ZBED4: variants seen among roughly 807,000 people sequenced by gnomAD.
ZBED4 encodes the protein zinc finger BED-type containing 4.
Under a neutral mutation model 15.5 loss-of-function variants are expected in ZBED4, and 4 were observed. The observed-to-expected ratio is 0.26, with a 90% CI of 0.13 to 0.59. The LOEUF is 0.59. Ranked by LOEUF, ZBED4 falls within the 20% of genes least tolerant of loss-of-function variation. The pLI is 0.90. For missense variants in ZBED4, 1,323 were observed against 1,461.8 expected, an observed-to-expected ratio of 0.91 and a Z score of 1.55; for synonymous variants, 692 against 608.5, an observed-to-expected ratio of 1.14 and a Z score of -2.02.
chr22:49,863,476 A>T (rs1195878859), intron 1 of ZBED4, among the ~76,000 whole-genome samples: 1 of 152,138 alleles, frequency 6.6e-6, no homozygotes, highest in Non-Finnish European at 1.5e-5. Context: ...AAAATACAAA[A>T]ATTAGCTGGG....
At chr22:49,867,401 G>C (rs1377004268) in intron 1 of ZBED4, among the ~76,000 whole-genome samples, 1 of 152,214 alleles carries the variant, frequency 6.6e-6, no homozygotes, top group Admixed American at 6.5e-5. Context: ...GCACTGCGGT[G>C]CATCCACTGG....
intron 1 of ZBED4, among the ~76,000 whole-genome samples, chr22:49,858,528 A>C (rs2060284327): frequency 1.3e-5 from 2 of 152,198 alleles, no homozygotes; most frequent in Admixed American, 1.3e-4. Flanking sequence ...TAACTTACAG[A>C]GTTGGCACTC....
intron 1 of ZBED4, among the ~76,000 whole-genome samples, chr22:49,859,135 T>C (rs1033666): frequency 0.75 from 113,338 of 151,994 alleles, 44,824 homozygotes; most frequent in East Asian, 0.91. Context: ...CTGTGGGCAG[T>C]GGCACCTTGG....
chr22:49,869,442 T>G (rs1200649374), intron 1 of ZBED4, among the ~76,000 whole-genome samples: 1 of 152,250 alleles, frequency 6.6e-6, no homozygotes, highest in South Asian at 2.1e-4. Context: ...TGCGTGGACT[T>G]TAGTGTGGGT....
intron 1 of ZBED4, among the ~76,000 whole-genome samples, chr22:49,881,268 G>A (rs2060408087): frequency 6.6e-6 from 1 of 152,274 alleles, no homozygotes; most frequent in South Asian, 2.1e-4. Context: ...AGAAGCACTT[G>A]AACCCAGGAA....
chr22:49,870,142 C>G (rs2060339930), intron 1 of ZBED4, among the ~76,000 whole-genome samples: 1 of 152,198 alleles, frequency 6.6e-6, no homozygotes, highest in Admixed American at 6.5e-5. Context: ...CATGTTGCTG[C>G]AAGGGACATG....
Position 49,886,396 on chromosome 22 carries a change from A to G in ZBED4, c.2734A>G (p.Met912Val), listed in dbSNP as rs181178469. 1.9e-6 allele frequency: 3 copies of G among 1,607,424 alleles called. No individual in the cohort carries two copies. The highest frequency in any genetic ancestry group is 1.7e-5 in the Admixed American group (1 of 59,568). ...LIEQKRAINEMSVECNFRELI... is the reference protein window; with the variant it reads ...LIEQKRAINEVSVECNFRELI... ...TGAGCAGAAAAGGGCCATTAACGAG[A>G]TGTCCGTCGAGTGTAACTTCCGAGA... The change falls in exon 2 of 2, where the codon ATG becomes GTG. Residue 912 changes from methionine (M) to valine (V), a missense_variant. Met to Val is a conservative substitution (Grantham distance 21). This residue lies in a region of ZBED4 where 312 missense variants were observed against 410.7 expected (regional missense o/e 0.76). Coordinates refer to ENST00000216268, the MANE Select transcript of ZBED4 (RefSeq NM_014838.3). The surrounding 1 kb of genome is among the most constrained non-coding windows in gnomAD (Gnocchi z 7.7).
intron 1 of ZBED4, among the ~76,000 whole-genome samples, chr22:49,871,349 G>A (rs2060346510): frequency 6.6e-6 from 1 of 152,068 alleles, no homozygotes; most frequent in South Asian, 2.1e-4. Flanking sequence ...AGCTGGGTGT[G>A]GTGGCACGCA....
At position 49,877,480 on chromosome 22, in the gene ZBED4, C is replaced by T. The variant is rs770337573; in HGVS notation, c.-329-5854C>T. On this transcript the variant is annotated intron_variant, in intron 1 of 1. Transcript: ENST00000216268. ...CTAATTTTTGTATTTTTAGTAGAGACGGGGTTTCACCATGTTGGCCAGGCT... is the reference window on the plus strand; with the variant it reads ...CTAATTTTTGTATTTTTAGTAGAGATGGGGTTTCACCATGTTGGCCAGGCT... Among the ~76,000 whole-genome samples, 5 of 151,846 alleles carry T rather than the reference C, an allele frequency of 3.3e-5. No individual in the cohort carries two copies. In the South Asian group the frequency reaches 8.3e-4, roughly 25 times the overall value.
chr22:49,854,768 C>T (rs2060267825), intron 1 of ZBED4, among the ~76,000 whole-genome samples: 2 of 152,110 alleles, frequency 1.3e-5, no homozygotes, highest in Admixed American at 6.5e-5. Flanking sequence ...CCAAGCTGAG[C>T]CGTCAGAAGC....
At chr22:49,861,190 G>A (rs2147502812) in intron 1 of ZBED4, among the ~76,000 whole-genome samples, 1 of 152,230 alleles carries the variant, frequency 6.6e-6, no homozygotes, top group South Asian at 2.1e-4. Flanking sequence ...CACTGTGTGT[G>A]TCTGGTTTTT....
At chr22:49,864,076 G>A (rs1174174100) in intron 1 of ZBED4, among the ~76,000 whole-genome samples, 1 of 152,186 alleles carries the variant, frequency 6.6e-6, no homozygotes, top group Admixed American at 6.5e-5. Context: ...GGGCTTGGAA[G>A]TTTCAAAACC....
At chr22:49,859,004 G>GCAAAGT (rs2060286344) in intron 1 of ZBED4, among the ~76,000 whole-genome samples, 2 of 152,048 alleles carry the variant, frequency 1.3e-5, no homozygotes, top group Admixed American at 6.6e-5. Context: ...TTGCTCACTG[G>GCAAAGT]CCCTTTAAAT....
In ZBED4 at chr22:49,886,324, G is replaced by A. The variant is rs771469897; in HGVS notation, c.2662G>A (p.Val888Ile). Residue 888 changes from valine to isoleucine, a missense_variant, in exon 2 of 2, where the codon GTC becomes ATC. Physicochemically the swap from Val to Ile is conservative, Grantham distance 29. Coordinates refer to ENST00000216268, the MANE Select transcript of ZBED4 (RefSeq NM_014838.3). The surrounding 1 kb of genome is among the most constrained non-coding windows in gnomAD (Gnocchi z 7.7). ...ALPQHHLIQDVPSKWSTSFHM... is the reference protein window; with the variant it reads ...ALPQHHLIQDIPSKWSTSFHM... ...GCCTCAGCATCACCTCATCCAGGACGTCCCGTCCAAGTGGAGCACTTCCTT... is the reference window on the plus strand; with the variant it reads ...GCCTCAGCATCACCTCATCCAGGACATCCCGTCCAAGTGGAGCACTTCCTT... 27 of 1,593,400 alleles carry A rather than the reference G, an allele frequency of 1.7e-5. No individual in the cohort carries two copies. The highest frequency in any genetic ancestry group is 7.8e-5 in the South Asian group (7 of 89,612).
intron 1 of ZBED4, among the ~76,000 whole-genome samples, chr22:49,857,028 C>CG (rs1165175711): frequency 6.6e-6 from 1 of 152,188 alleles, no homozygotes; most frequent in African/African-American, 2.4e-5. Context: ...TGATTAGGGT[C>CG]GGGAGGACCT....
intron 1 of ZBED4, among the ~76,000 whole-genome samples, chr22:49,875,413 ATTTTCTTTTTTT>A (rs1320985243): frequency 6.7e-5 from 7 of 105,104 alleles, no homozygotes; most frequent in Non-Finnish European, 1.6e-4. Context: ...TGCATAATTT[ATTTTCTTTTTTT>A]TTTTCTTTTT....
At chr22:49,856,029 A>G (rs761878) in intron 1 of ZBED4, among the ~76,000 whole-genome samples, 115,055 of 152,202 alleles carry the variant, frequency 0.76, 45,682 homozygotes, top group East Asian at 0.91. Context: ...CCTTTCAAGG[A>G]TTCGGGCCTC....
At chr22:49,857,085 G>A (rs1403270358) in intron 1 of ZBED4, among the ~76,000 whole-genome samples, 1 of 152,204 alleles carries the variant, frequency 6.6e-6, no homozygotes, top group Non-Finnish European at 1.5e-5. Context: ...CAAACCCTGA[G>A]GGGCTGACTT....
rs2060457689 is a variant in ZBED4 at position 49,889,584 on chromosome 22, C to T, written c.*2406C>T. The T allele has an allele frequency of 6.0e-6, 1 of 167,276 alleles. No homozygotes were observed. The highest frequency in any genetic ancestry group is 3.4e-3 in the Middle Eastern group (1 of 296). The allele number at this position is 167,276 out of a possible 1,614,324, so 10.4% of individuals were successfully genotyped here. ...GAAAAAAATGAGGGCTTGCTTTACT[C>T]AACAGAAAATATGGCCCTTCCTGAA... On this transcript the variant is annotated 3_prime_UTR_variant, in exon 2 of 2. Transcript: ENST00000216268.
Sources: gnomAD v4.1 joint callset for allele counts (sites outside exome capture counted in the v4.1 genomes callset) on GRCh38, gnomAD v4.1.1 for gene constraint, gnomAD v4.1.1 regional missense constraint, Gnocchi (gnomAD v3.1) non-coding constraint, MANE v1.5 for transcripts, NCBI Gene and HGNC (gene_info 2026-07-23, HGNC 2026-07-21) for gene names.